The following LLGL1 variants were observed in gnomAD, a reference collection of about 807,000 sequenced individuals.
LLGL1 encodes the protein lethal(2) giant larvae protein homolog 1.
Under a neutral mutation model 110.6 loss-of-function variants are expected in LLGL1, and 58 were observed. The ratio of observed to expected loss-of-function variants is 0.52; its 90% confidence interval spans 0.42 to 0.65. The LOEUF (loss-of-function observed/expected upper bound fraction) is 0.65, where lower values mean the gene tolerates loss of function less well. Among genes scored for constraint, LLGL1 ranks in the 30% least tolerant of loss-of-function variants. LLGL1 has a pLI of 0.00. For synonymous variants in LLGL1, 674 were observed against 607.2 expected, an observed-to-expected ratio of 1.11 and a Z score of -1.62; for missense variants, 1,229 against 1,462.1, an observed-to-expected ratio of 0.84 and a Z score of 2.60.
At position 18,231,190 on chromosome 17, in the gene LLGL1, C is replaced by G. The variant is rs2047559842; in HGVS notation, c.179+1152C>G. Reference sequence around the variant, plus strand: ...GCCCGGGGTCCTCTTCCCTTTTTCCCCTGACTGCCACTGCCTGGAGCCCCT... The same window carrying G: ...GCCCGGGGTCCTCTTCCCTTTTTCCGCTGACTGCCACTGCCTGGAGCCCCT... On this transcript the variant is annotated intron_variant, in intron 2 of 22. Transcript: ENST00000316843. Among the ~76,000 whole-genome samples the G allele has an allele frequency of 3.9e-5, 6 of 152,124 alleles. 1 individual carries two copies. The highest frequency in any genetic ancestry group is 3.9e-4 in the Admixed American group (6 of 15,286).
At position 18,244,745 on chromosome 17, in the gene LLGL1, G is replaced by GGGGGGGC. The variant is rs2047961474; in HGVS notation, c.*840_*841insGGGGGCG. The GGGGGGGC allele has an allele frequency of 7.0e-6, 1 of 141,904 alleles. No individual in the cohort carries two copies. Among genetic ancestry groups the GGGGGGGC allele is most frequent in the Non-Finnish European group, 1.5e-5 (1 of 67,974 alleles). 8.8% of individuals were successfully genotyped at this position (141,904 alleles called of 1,614,324 possible). A position where few individuals can be genotyped will look rare whatever the true frequency, so the allele number is the denominator to read the frequency against. ...GGCGGGGGGGGGGGGCAGGGGGGGG[G>GGGGGGGC]GTCAAGATGAGTTTCCCTGTAGATT... On this transcript the variant is annotated 3_prime_UTR_variant, in exon 23 of 23. Coordinates refer to ENST00000316843, the MANE Select transcript of LLGL1 (RefSeq NM_004140.4).
intron 10 of LLGL1, 53 bp from the exon 11 acceptor site, chr17:18,235,417 G>C: frequency 6.2e-7 from 1 of 1,609,974 alleles, no homozygotes; most frequent in Non-Finnish European, 8.5e-7. Flanking sequence ...GGGGTGAGAG[G>C]GAGAAGATGT....
At position 18,234,679 on chromosome 17, in the gene LLGL1, T is replaced by C. The variant is rs1397132164; in HGVS notation, c.881T>C (p.Ile294Thr). ...TTTCCCTGCAAGGCCATTAACAAGA[T>C]TCTGTGGCGGAACTGTGAATCTGGG... ...GPFPCKAINK[I>T]LWRNCESGGH... is the part of the protein sequence containing the mutation. Residue 294 changes from isoleucine (I) to threonine (T), a missense_variant, in exon 8 of 23, where the codon ATT becomes ACT. Physicochemically the swap from Ile to Thr is moderately conservative, Grantham distance 89 (BLOSUM62 -1). Transcript: ENST00000316843. 1 of 1,614,100 alleles carries C rather than the reference T, an allele frequency of 6.2e-7. No homozygotes were observed. Among genetic ancestry groups the C allele is most frequent in the Non-Finnish European group, 8.5e-7 (1 of 1,180,002 alleles).
rs1597871501 is a variant in LLGL1, at chr17:18,236,849, T to A, written c.1521T>A (p.Asp507Glu). The A allele has an allele frequency of 6.2e-7, 1 of 1,613,792 alleles. No individual in the cohort carries two copies. Among genetic ancestry groups the A allele is most frequent in the East Asian group, 2.2e-5 (1 of 44,856 alleles). The change falls in exon 13 of 23, where the codon GAT becomes GAA. Residue 507 changes from aspartate to glutamate, a missense_variant. By Grantham distance (45) the Asp-to-Glu change is conservative. Coordinates refer to ENST00000316843, the MANE Select transcript of LLGL1 (RefSeq NM_004140.4). ...WPPFRKVGCF[D>E]PYSDDPRLGV... Reference sequence around the variant, plus strand: ...CATCCCTCTAGGTGGGCTGCTTCGATCCCTACAGTGACGATCCCCGGCTTG... The same window carrying A: ...CATCCCTCTAGGTGGGCTGCTTCGAACCCTACAGTGACGATCCCCGGCTTG...
intron 11 of LLGL1, chr17:18,236,144 C>G (rs541989404): frequency 5.3e-6 from 1 of 187,356 alleles, no homozygotes; most frequent in Non-Finnish European, 1.1e-5. Flanking sequence ...TCCCCTGCCC[C>G]CTCCCTGCTT....
chr17:18,231,820 C>A (rs996085826), intron 2 of LLGL1, among the ~76,000 whole-genome samples: 1 of 152,140 alleles, frequency 6.6e-6, no homozygotes, highest in African/African-American at 2.4e-5. Flanking sequence ...CCAGCATGCC[C>A]GGCTAATTTT....
At chr17:18,231,720 G>A (rs925058560) in intron 2 of LLGL1, among the ~76,000 whole-genome samples, 4 of 152,150 alleles carry the variant, frequency 2.6e-5, no homozygotes, top group African/African-American at 4.8e-5. Flanking sequence ...GAGTGCAGTC[G>A]CACAGTTTTG....
rs149080712 is a variant in LLGL1, at chr17:18,234,143, C to A, written c.682C>A (p.Gln228Lys). Residue 228 changes from glutamine (Q) to lysine (K), a missense_variant, in exon 6 of 23, where the codon CAG (glutamine) becomes AAG (lysine). Physicochemically the swap from Gln to Lys is moderately conservative, Grantham distance 53. Coordinates refer to ENST00000316843, the MANE Select transcript of LLGL1 (RefSeq NM_004140.4). ...GCTGGTCATCTGGAACCAGGCCTCG[C>A]AGTGTGTGGACCACATCTTCCTGGG... ...GLLVIWNQAS[Q>K]CVDHIFLGNQ... 2.9e-5 allele frequency: 46 copies of A among 1,609,756 alleles called. No individual in the cohort carries two copies. The African/African-American group carries it at 5.3e-4, about 19-fold the overall frequency.
chr17:18,235,059 T>A (rs988159493), intron 9 of LLGL1, 30 bp from the exon 10 acceptor site: 2 of 1,613,726 alleles, frequency 1.2e-6, no homozygotes, highest in African/African-American at 2.7e-5. Context: ...CCTATGGCTG[T>A]GCTCACCCCA....
Position 18,240,014 on chromosome 17 carries a change from C to A in LLGL1, c.2207-564C>A, listed in dbSNP as rs981102465. On this transcript the variant is annotated intron_variant, in intron 16 of 22. Transcript: ENST00000316843. This position sits in a 1 kb window ranked among gnomAD's most constrained non-coding sequence, Gnocchi z 5.3. ...TTGTCACCCAGAGGTTCAGTTCACACAGGCAGAGCAGGGTCGATGGATGGT... is the reference window on the plus strand; with the variant it reads ...TTGTCACCCAGAGGTTCAGTTCACAAAGGCAGAGCAGGGTCGATGGATGGT... 6.6e-6 allele frequency among the ~76,000 whole-genome samples: 1 copy of A among 152,142 alleles called. No homozygotes were observed. The highest frequency in any genetic ancestry group is 2.4e-5 in the African/African-American group (1 of 41,420).
chr17:18,230,448 A>G (rs777204433), intron 2 of LLGL1, among the ~76,000 whole-genome samples: 10 of 152,120 alleles, frequency 6.6e-5, no homozygotes, highest in Non-Finnish European at 1.5e-4. Context: ...GTGAAGACAC[A>G]TGTGTTCAGC....
intron 1 of LLGL1, among the ~76,000 whole-genome samples, chr17:18,226,521 C>G (rs375058045): frequency 2.2e-4 from 34 of 152,362 alleles, no homozygotes; most frequent in African/African-American, 7.9e-4. Flanking sequence ...CTCTGCCCTG[C>G]CCGGGGCTCC....
chr17:18,235,406 C>T (rs535056306), intron 10 of LLGL1, 64 bp from the exon 11 acceptor site: 28 of 1,607,130 alleles, frequency 1.7e-5, no homozygotes, highest in South Asian at 1.3e-4. Context: ...GTGCCATACT[C>T]GGGGTGAGAG....
rs2047663199 is a variant in LLGL1, at chr17:18,235,147, C to T, written c.1119C>T (p.Asp373=). The T allele has an allele frequency of 1.2e-6, 2 of 1,613,506 alleles. No individual in the cohort carries two copies. Among genetic ancestry groups the T allele is most frequent in the African/African-American group, 2.7e-5 (2 of 74,926 alleles). ...TGGAAGAGGAGCTGGTGGTGCTGGA[C>T]CTGCAGACTCCTGGCTGGCCAGCTG... ...VLLEEELVVL[D]LQTPGWPAVP... is the part of the protein sequence containing the mutation. The change falls in exon 10 of 23, where the codon GAC becomes GAT. Residue 373 remains aspartate (D), a synonymous_variant. Coordinates refer to ENST00000316843, the MANE Select transcript of LLGL1 (RefSeq NM_004140.4).
rs754874417 is a variant in LLGL1 at position 18,234,262 on chromosome 17, C to T, written c.715-11C>T. On this transcript the variant is annotated splice_polypyrimidine_tract_variant and intron_variant, in intron 6 of 22. Transcript: ENST00000316843. ...ATGCCTGCCTGCCTGCCTGCCCCTG[C>T]CTGCCCGCAGCAGCTGGAGAGCCTA... 6.3e-7 allele frequency: 1 copy of T among 1,597,542 alleles called. No individual in the cohort carries two copies.
chr17:18,239,935 G>C (rs910852132), intron 16 of LLGL1, among the ~76,000 whole-genome samples: 3 of 152,090 alleles, frequency 2.0e-5, no homozygotes, highest in Non-Finnish European at 4.4e-5. Context: ...CAGGGAGCAG[G>C]TGCCGAGTCT....
intron 17 of LLGL1, 93 bp from the exon 18 acceptor site, chr17:18,241,358 G>A (rs2047827025): frequency 1.4e-6 from 2 of 1,480,216 alleles, no homozygotes; most frequent in South Asian, 2.6e-5. Context: ...TGGGCTTTGT[G>A]GTGGGGGCTG....
intron 4 of LLGL1, 101 bp downstream of exon 4, chr17:18,232,903 T>G: frequency 6.7e-7 from 1 of 1,492,154 alleles, no homozygotes; most frequent in Non-Finnish European, 9.2e-7. Context: ...GGGCAGCGGT[T>G]CAGGGCGGGA....
At chr17:18,236,310 TC>T in intron 11 of LLGL1, 1 of 377,580 alleles carries the variant, frequency 2.6e-6, no homozygotes, top group South Asian at 3.7e-5. Flanking sequence ...ACCCCCAAAG[TC>T]CTCTGTTCTC....
Sources: gnomAD v4.1 joint callset for allele counts (sites outside exome capture counted in the v4.1 genomes callset) on GRCh38, gnomAD v4.1.1 for gene constraint, Gnocchi (gnomAD v3.1) non-coding constraint, MANE v1.5 for transcripts, NCBI Gene and HGNC (gene_info 2026-07-23, HGNC 2026-07-21) for gene names.